SMG6: variants seen among roughly 807,000 people sequenced by gnomAD.
SMG6 encodes the protein SMG6 nonsense mediated mRNA decay factor.
Under a neutral mutation model 142.2 loss-of-function variants are expected in SMG6, and 66 were observed. The ratio of observed to expected loss-of-function variants is 0.46; its 90% CI spans 0.38 to 0.57. The LOEUF is 0.57. SMG6 is among the 20% of genes least tolerant of loss of function. The pLI is 0.00. For missense variants in SMG6, 1,793 were observed against 1,832.0 expected (o/e 0.98, Z 0.39); for synonymous variants, 779 against 702.4 (o/e 1.11, Z -1.72).
At chr17:2,080,632 T>A (rs866152209) in intron 15 of SMG6, among the ~76,000 whole-genome samples, 3 of 151,960 alleles carry the variant, frequency 2.0e-5, no homozygotes, top group Non-Finnish European at 4.4e-5. Context: ...AGCACTTTTT[T>A]CTTTTTTCTT....
At chr17:2,142,455 G>C (rs1006355772) in intron 13 of SMG6, among the ~76,000 whole-genome samples, 10 of 150,872 alleles carry the variant, frequency 6.6e-5, no homozygotes, top group Admixed American at 6.6e-5. Context: ...AACCAGCCTG[G>C]GCAACACAGT....
chr17:2,196,925 T>A (rs868404492), intron 10 of SMG6, among the ~76,000 whole-genome samples: 4 of 152,108 alleles, frequency 2.6e-5, no homozygotes, highest in African/African-American at 9.7e-5. Flanking sequence ...CAATTAGACA[T>A]CTGTATGCAA....
chr17:2,291,594 C>G (rs929845607), intron 6 of SMG6, among the ~76,000 whole-genome samples: 1 of 151,988 alleles, frequency 6.6e-6, no homozygotes, highest in African/African-American at 2.4e-5. Flanking sequence ...ATTACTTAAT[C>G]AACTATTTCA....
At chr17:2,211,543 A>C (rs2072862961) in intron 10 of SMG6, among the ~76,000 whole-genome samples, 1 of 151,826 alleles carries the variant, frequency 6.6e-6, no homozygotes, top group Non-Finnish European at 1.5e-5. Context: ...GGGCGCCTGT[A>C]GTCTCAGCTA....
rs1230431346 is a variant in SMG6 at position 2,085,682 on chromosome 17, G to T, written c.3534+43C>A. The T allele has an allele frequency of 6.4e-7, 1 of 1,571,902 alleles. No homozygotes were observed. Among genetic ancestry groups the T allele is most frequent in the Non-Finnish European group, 8.7e-7 (1 of 1,155,686 alleles). ...GCTGAAGCCACGAGCAGAATGGGGA[G>T]GGGGCCTTCCCTCTGCCACAGCGGG... On this transcript the variant is annotated intron_variant, in intron 14 of 18. Coordinates refer to ENST00000263073, the MANE Select transcript of SMG6 (RefSeq NM_017575.5). This position sits in a 1 kb window ranked among gnomAD's most constrained non-coding sequence, Gnocchi z 4.1.
chr17:2,230,596 G>C (rs1010636981), intron 10 of SMG6, among the ~76,000 whole-genome samples: 2 of 152,066 alleles, frequency 1.3e-5, no homozygotes, highest in Non-Finnish European at 2.9e-5. Context: ...TGAAAACAAG[G>C]ACCCTGGAAC....
chr17:2,151,782 CACA>C (rs1184078733), intron 13 of SMG6, among the ~76,000 whole-genome samples: 14 of 152,306 alleles, frequency 9.2e-5, no homozygotes, highest in African/African-American at 3.1e-4. Context: ...AAGAATTCCA[CACA>C]ACATGAAAGA....
At chr17:2,233,564 C>T (rs934174659) in intron 10 of SMG6, 3 of 152,190 alleles carry the variant, frequency 2.0e-5, no homozygotes, top group Non-Finnish European at 4.4e-5. Flanking sequence ...GAACACACAG[C>T]GCTGATTTAT....
intron 6 of SMG6, among the ~76,000 whole-genome samples, chr17:2,285,066 G>A (rs1269763846): frequency 1.3e-5 from 2 of 152,254 alleles, no homozygotes; most frequent in East Asian, 1.9e-4. Context: ...TGGAACAGAA[G>A]ATAATGGTGC....
chr17:2,226,469 C>T (rs2151781450), intron 10 of SMG6, among the ~76,000 whole-genome samples: 1 of 151,478 alleles, frequency 6.6e-6, no homozygotes, highest in South Asian at 2.1e-4. Context: ...ATCCCAGCTA[C>T]TTGGGAGACT....
At chr17:2,276,729 A>G (rs1490914519) in intron 8 of SMG6, among the ~76,000 whole-genome samples, 1 of 152,052 alleles carries the variant, frequency 6.6e-6, no homozygotes, top group Non-Finnish European at 1.5e-5. Flanking sequence ...ACCACTTCAC[A>G]GTAACTCACA....
intron 13 of SMG6, among the ~76,000 whole-genome samples, chr17:2,136,215 C>T (rs1040613374): frequency 2.0e-5 from 3 of 151,838 alleles, no homozygotes; most frequent in Admixed American, 6.6e-5. Flanking sequence ...GCATGCACAC[C>T]ATGCCTGGCT....
chr17:2,277,997 G>A (rs867603361), intron 8 of SMG6, among the ~76,000 whole-genome samples: 1 of 152,100 alleles, frequency 6.6e-6, no homozygotes, highest in African/African-American at 2.4e-5. Flanking sequence ...CCAGTGGGCC[G>A]TGACCATGCC....
intron 13 of SMG6, among the ~76,000 whole-genome samples, chr17:2,136,694 C>T (rs962082615): frequency 2.0e-5 from 3 of 151,424 alleles, no homozygotes; most frequent in Non-Finnish European, 4.4e-5. Flanking sequence ...GCACCAAAGA[C>T]GATTCAATCC....
At chr17:2,248,534 T>C (rs182994144) in intron 8 of SMG6, among the ~76,000 whole-genome samples, 105 of 152,332 alleles carry the variant, frequency 6.9e-4, no homozygotes, top group African/African-American at 2.3e-3. Flanking sequence ...TACCTGAGTC[T>C]GTACTTGCCA....
At position 2,063,310 on chromosome 17, in the gene SMG6, CAT is replaced by C. The variant is rs986468938; in HGVS notation, c.4130-1690_4130-1689del. 23 of 152,264 alleles carry C rather than the reference CAT, an allele frequency of 1.5e-4. 1 individual carries two copies. The highest frequency in any genetic ancestry group is 4.1e-4 in the African/African-American group (17 of 41,470). The allele number at this position is 152,264 out of a possible 1,614,324, so 9.4% of individuals were successfully genotyped here. A position where few individuals can be genotyped will look rare whatever the true frequency, so the allele number is the denominator to read the frequency against. On this transcript the variant is annotated intron_variant, in intron 18 of 18. Coordinates refer to ENST00000263073, the MANE Select transcript of SMG6 (RefSeq NM_017575.5). The stretch of plus-strand genomic sequence containing the variant: ...GTCAGGCCCCATCCGCCATAATCCA[CAT>C]GATTTTAAAATTCAACATCGTTTAC...
chr17:2,115,858 C>A (rs1287434394), intron 13 of SMG6, among the ~76,000 whole-genome samples: 2 of 151,956 alleles, frequency 1.3e-5, no homozygotes, highest in Non-Finnish European at 2.9e-5. Flanking sequence ...AAGCGTGTAC[C>A]ACCATGCCAG....
chr17:2,224,285 ACAC>A, intron 10 of SMG6, among the ~76,000 whole-genome samples: 1 of 152,202 alleles, frequency 6.6e-6, no homozygotes, highest in Non-Finnish European at 1.5e-5. Flanking sequence ...CCACAAGGCT[ACAC>A]CCCAAATACA....
intron 13 of SMG6, among the ~76,000 whole-genome samples, chr17:2,157,396 A>G (rs1391760911): frequency 6.6e-6 from 1 of 152,194 alleles, no homozygotes; most frequent in Non-Finnish European, 1.5e-5. Flanking sequence ...GCAGCTATGA[A>G]CTCCACATAC....
Sources: allele counts gnomAD v4.1 joint callset (sites outside exome capture counted in the v4.1 genomes callset), GRCh38; gene constraint gnomAD v4.1.1; non-coding constraint Gnocchi (gnomAD v3.1); transcripts MANE v1.5; gene names NCBI Gene and HGNC (gene_info 2026-07-23, HGNC 2026-07-21).